The following ACOX2 variants were observed in gnomAD, a reference collection of about 807,000 sequenced individuals.
ACOX2 encodes peroxisomal acyl-coenzyme A oxidase 2.
In ACOX2, 59 loss-of-function variants were observed where a neutral mutation model predicts 77.5. That is an observed-to-expected ratio of 0.76 (90% CI 0.62 to 0.95). The LOEUF is 0.95. ACOX2 is among the 40% of genes least tolerant of loss of function. ACOX2 has a pLI of 0.00. For synonymous variants in ACOX2, 317 were observed against 340.1 expected (o/e 0.93, Z 0.75); for missense variants, 837 against 880.4 (o/e 0.95, Z 0.62).
At position 58,528,232 on chromosome 3, in the gene ACOX2, T is replaced by C. The variant is rs2063411403; in HGVS notation, c.1155+562A>G. Among the ~76,000 whole-genome samples the C allele has an allele frequency of 6.6e-6, 1 of 152,210 alleles. No individual in the cohort carries two copies. Among genetic ancestry groups the C allele is most frequent in the Non-Finnish European group, 1.5e-5 (1 of 68,038 alleles). The stretch of plus-strand genomic sequence containing the variant: ...GCAGTGCTTATAAAGCATGGTAGCC[T>C]GGACAGACTGAATTTTACTATATAT... On this transcript the variant is annotated intron_variant, in intron 9 of 14. Transcript: ENST00000302819. The surrounding 1 kb of genome is among the most constrained non-coding windows in gnomAD (Gnocchi z 5.6).
Position 58,528,939 on chromosome 3 carries a change from AC to A in ACOX2, c.1009del (p.Val337SerfsTer40). The part of the protein sequence containing the change: ...RLRPSDPEAK[V>X]LDYQTQQQKL... The stretch of plus-strand genomic sequence containing the variant: ...CTGCTGTTGTGTCTGGTAGTCCAGG[AC>A]CTTTGCCTCTGGGTCACTGAAGGGA... On this transcript the variant is annotated frameshift_variant, in exon 9 of 15. Transcript: ENST00000302819. LOFTEE classifies it high-confidence loss of function. The surrounding 1 kb of genome is among the most constrained non-coding windows in gnomAD (Gnocchi z 5.6). 6.2e-7 allele frequency: 1 copy of A among 1,611,488 alleles called. No homozygotes were observed. Among genetic ancestry groups the A allele is most frequent in the African/African-American group, 1.3e-5 (1 of 74,970 alleles).
In ACOX2 at chr3:58,506,829, A is replaced by C. The variant is rs576011905; in HGVS notation, c.1984-1543T>G. ...AAATAAAAATACATAAAATATCTGT[A>C]GTGTGCCTTTTTCTATTAGTGCAAA... is the stretch of plus-strand genomic sequence containing the variant. On this transcript the variant is annotated intron_variant, in intron 14 of 14. Coordinates refer to ENST00000302819, the MANE Select transcript of ACOX2 (RefSeq NM_003500.4). 2.2e-4 allele frequency among the ~76,000 whole-genome samples: 34 copies of C among 152,326 alleles called. No individual in the cohort carries two copies. The South Asian group carries it at 6.6e-3, about 30-fold the overall frequency.
chr3:58,523,172 A>G lies in ACOX2; in HGVS notation c.1527-571T>C, dbSNP rs6778601. Among the ~76,000 whole-genome samples, 3,046 of 152,326 alleles carry G rather than the reference A, an allele frequency of 0.02. 110 individuals are homozygous for G. Among genetic ancestry groups the G allele is most frequent in the African/African-American group, 0.07 (2,905 of 41,562 alleles). ...CCCTCTTATTTTCTATTCCCTGCCC[A>G]TCCATCCATGACCCTTAGAATTTGT... On this transcript the variant is annotated intron_variant, in intron 11 of 14. Transcript: ENST00000302819. The surrounding 1 kb of genome is among the most constrained non-coding windows in gnomAD (Gnocchi z 5.3).
intron 12 of ACOX2, among the ~76,000 whole-genome samples, chr3:58,517,684 C>T (rs1030810728): frequency 4.0e-5 from 6 of 151,628 alleles, no homozygotes; most frequent in South Asian, 2.1e-4. Flanking sequence ...TTGCTTGGAG[C>T]GGTTTCAAGT....
In ACOX2 at chr3:58,533,975, C is replaced by G; in HGVS notation, c.475+19G>C. 6 of 1,613,642 alleles carry G rather than the reference C, an allele frequency of 3.7e-6. No homozygotes were observed. Among genetic ancestry groups the G allele is most frequent in the Non-Finnish European group, 5.1e-6 (6 of 1,179,750 alleles). On this transcript the variant is annotated intron_variant, in intron 4 of 14. Transcript: ENST00000302819. This position sits in a 1 kb window ranked among gnomAD's most constrained non-coding sequence, Gnocchi z 5.6. ...TGCAGTGCACAACCTAAACACCACA[C>G]GCAGCAGTCCTAGCTCACCATGTCC...
intron 13 of ACOX2, among the ~76,000 whole-genome samples, chr3:58,510,436 C>G (rs1369921362): frequency 1.3e-5 from 2 of 151,132 alleles, no homozygotes; most frequent in Admixed American, 1.3e-4. Flanking sequence ...AGTTCGAGAC[C>G]AGCCTGGCCA....
At chr3:58,532,309 T>C (rs1468627326) in intron 5 of ACOX2, among the ~76,000 whole-genome samples, 1 of 152,124 alleles carries the variant, frequency 6.6e-6, no homozygotes, top group Non-Finnish European at 1.5e-5. Context: ...TTTTTGACAG[T>C]GGTCATTTAT....
intron 13 of ACOX2, among the ~76,000 whole-genome samples, chr3:58,510,094 C>G (rs1055468809): frequency 3.9e-5 from 6 of 152,198 alleles, no homozygotes; most frequent in Non-Finnish European, 7.3e-5. Flanking sequence ...CTTCTTCCTC[C>G]TGGCCTTCGG....
intron 5 of ACOX2, among the ~76,000 whole-genome samples, chr3:58,532,333 T>C (rs1441796343): frequency 6.6e-6 from 1 of 152,114 alleles, no homozygotes; most frequent in Middle Eastern, 3.2e-3. Context: ...CTCTCTCTCT[T>C]TCTGTCATCA....
At position 58,505,506 on chromosome 3, in the gene ACOX2, G is replaced by T. The variant is rs1265692774; in HGVS notation, c.1984-220C>A. 6.6e-6 allele frequency among the ~76,000 whole-genome samples: 1 copy of T among 152,182 alleles called. No homozygotes were observed. Among genetic ancestry groups the T allele is most frequent in the African/African-American group, 2.4e-5 (1 of 41,450 alleles). On this transcript the variant is annotated intron_variant, in intron 14 of 14. Transcript: ENST00000302819. The surrounding 1 kb of genome is among the most constrained non-coding windows in gnomAD (Gnocchi z 4.4). ...ATGCAGATTTTAAATTGTGGATGCA[G>T]GTGGCCAATTAAAAACACAGCTTAT...
At chr3:58,509,223 T>C (rs1576985479) in intron 13 of ACOX2, among the ~76,000 whole-genome samples, 198 bp from the exon 14 acceptor site, 1 of 147,934 alleles carries the variant, frequency 6.8e-6, no homozygotes, top group East Asian at 2.0e-4. Context: ...TCCGTAAGGC[T>C]TGTTTAAAAA....
chr3:58,510,470 T>C (rs1402871824), intron 13 of ACOX2, among the ~76,000 whole-genome samples: 1 of 150,322 alleles, frequency 6.7e-6, no homozygotes, highest in Non-Finnish European at 1.5e-5. Context: ...CTGTCTCTAC[T>C]AAAAATACAA....
At position 58,519,288 on chromosome 3, in the gene ACOX2, G is replaced by A. The variant is rs761381611; in HGVS notation, c.1633-1865C>T. Among the ~76,000 whole-genome samples the A allele has an allele frequency of 1.6e-4, 24 of 152,044 alleles. No homozygotes were observed. The highest frequency in any genetic ancestry group is 2.4e-4 in the Non-Finnish European group (16 of 68,008). ...AATTCTGGCTACTCGGAAGGCTGAG[G>A]CACAAGAATTGCTTGAACCTGGGAG... On this transcript the variant is annotated intron_variant, in intron 12 of 14. Coordinates refer to ENST00000302819, the MANE Select transcript of ACOX2 (RefSeq NM_003500.4). This position sits in a 1 kb window ranked among gnomAD's most constrained non-coding sequence, Gnocchi z 5.0.
At position 58,512,055 on chromosome 3, in the gene ACOX2, C is replaced by A. The variant is rs2063292003; in HGVS notation, c.1851-3030G>T. ...CCAATGACTTCCAAACTTATCCCTCCAGTGTCCCCTGCTTACCAACATCTG... is the reference window on the plus strand; with the variant it reads ...CCAATGACTTCCAAACTTATCCCTCAAGTGTCCCCTGCTTACCAACATCTG... On this transcript the variant is annotated intron_variant, in intron 13 of 14. Coordinates refer to ENST00000302819, the MANE Select transcript of ACOX2 (RefSeq NM_003500.4). This position sits in a 1 kb window ranked among gnomAD's most constrained non-coding sequence, Gnocchi z 4.8. Among the ~76,000 whole-genome samples, 1 of 152,186 alleles carries A rather than the reference C, an allele frequency of 6.6e-6. No homozygotes were observed. Among genetic ancestry groups the A allele is most frequent in the Non-Finnish European group, 1.5e-5 (1 of 68,042 alleles).
rs560059002 is a variant in ACOX2, at chr3:58,521,557, A to G, written c.1632+939T>C. ...CATGCTCATGGTCAGGACCACCCTCAGTCCCGGTTCAGACTTGCTCCTTTC... is the reference window on the plus strand; with the variant it reads ...CATGCTCATGGTCAGGACCACCCTCGGTCCCGGTTCAGACTTGCTCCTTTC... On this transcript the variant is annotated intron_variant, in intron 12 of 14. Transcript: ENST00000302819. The surrounding 1 kb of genome is among the most constrained non-coding windows in gnomAD (Gnocchi z 4.8). Among the ~76,000 whole-genome samples, 2 of 152,198 alleles carry G rather than the reference A, an allele frequency of 1.3e-5. No individual in the cohort carries two copies. The highest frequency in any genetic ancestry group is 2.4e-5 in the African/African-American group (1 of 41,442).
In ACOX2 at chr3:58,517,234, C is replaced by T. The variant is rs1469245337; in HGVS notation, c.1822G>A (p.Ala608Thr). Residue 608 changes from alanine to threonine, a missense_variant, in exon 13 of 15, where the codon GCC (alanine) becomes ACC (threonine). By Grantham distance (58) the Ala-to-Thr change is moderately conservative. Coordinates refer to ENST00000302819, the MANE Select transcript of ACOX2 (RefSeq NM_003500.4). ...SGAQVDMARTAYLDLLRLIRK... is the reference protein window; with the variant it reads ...SGAQVDMARTTYLDLLRLIRK... Reference sequence around the variant, plus strand: ...ATCAGGCGGAGCAGGTCCAGGTAGGCTGTTCTTGCCATGTCCACTTGGGCA... The same window carrying T: ...ATCAGGCGGAGCAGGTCCAGGTAGGTTGTTCTTGCCATGTCCACTTGGGCA... The T allele has an allele frequency of 1.9e-6, 3 of 1,613,968 alleles. No individual in the cohort carries two copies. Among genetic ancestry groups the T allele is most frequent in the African/African-American group, 2.7e-5 (2 of 74,922 alleles).
chr3:58,513,736 C>G (rs1461289298), intron 13 of ACOX2, among the ~76,000 whole-genome samples: 1 of 151,860 alleles, frequency 6.6e-6, no homozygotes, highest in Non-Finnish European at 1.5e-5. Context: ...TAGGGGCATT[C>G]TTCAGGTGTT....
At position 58,520,935 on chromosome 3, in the gene ACOX2, C is replaced by T. The variant is rs2063353834; in HGVS notation, c.1632+1561G>A. Among the ~76,000 whole-genome samples, 2 of 152,238 alleles carry T rather than the reference C, an allele frequency of 1.3e-5. 1 individual carries two copies. Among genetic ancestry groups the T allele is most frequent in the South Asian group, 4.1e-4 (2 of 4,832 alleles). On this transcript the variant is annotated intron_variant, in intron 12 of 14. Coordinates refer to ENST00000302819, the MANE Select transcript of ACOX2 (RefSeq NM_003500.4). ...CTCTGGGACCTAAGTCCTGAGTTCT[C>T]TTTCCTCACCCTTGAAGTGGAAATA...
In ACOX2 at chr3:58,512,775, G is replaced by A. The variant is rs1450013164; in HGVS notation, c.1851-3750C>T. On this transcript the variant is annotated intron_variant, in intron 13 of 14. Transcript: ENST00000302819. This position sits in a 1 kb window ranked among gnomAD's most constrained non-coding sequence, Gnocchi z 4.8. Reference sequence around the variant, plus strand: ...ATGGCGGTCCCATGACATTATGATAGAGCTGAAAAATTCCTATTGCTTAGT... The same window carrying A: ...ATGGCGGTCCCATGACATTATGATAAAGCTGAAAAATTCCTATTGCTTAGT... Among the ~76,000 whole-genome samples the A allele has an allele frequency of 2.0e-5, 3 of 152,202 alleles. No individual in the cohort carries two copies. Among genetic ancestry groups the A allele is most frequent in the Admixed American group, 6.5e-5 (1 of 15,278 alleles).
Sources: gnomAD v4.1 joint callset for allele counts (sites outside exome capture counted in the v4.1 genomes callset) on GRCh38, gnomAD v4.1.1 for gene constraint, Gnocchi (gnomAD v3.1) non-coding constraint, MANE v1.5 for transcripts, NCBI Gene and HGNC (gene_info 2026-07-23, HGNC 2026-07-21) for gene names.